Variants in POTEJ observed in about 807,000 individuals in gnomAD.
POTEJ encodes POTE ankyrin domain family, member J.
A neutral mutation model predicts 69.0 loss-of-function variants in POTEJ; 11 were observed. That is an observed-to-expected ratio of 0.16 (90% CI 0.10 to 0.26). The LOEUF is 0.26. Ranked by LOEUF, POTEJ falls within the 10% of genes least tolerant of loss-of-function variation. The pLI, the probability that POTEJ is intolerant of heterozygous loss-of-function variation, is 1.00. For missense variants in POTEJ, 327 were observed against 1,045.5 expected (o/e 0.31, Z 9.48); for synonymous variants, 117 against 381.1 (o/e 0.31, Z 8.07).
intron 13 of POTEJ, among the ~76,000 whole-genome samples, chr2:130,651,859 G>A (rs1384847869): frequency 6.9e-6 from 1 of 145,066 alleles, no homozygotes; most frequent in Admixed American, 6.8e-5. Flanking sequence ...GACTGAATAG[G>A]TTAAAAGTGA....
At chr2:130,623,950 A>G in intron 5 of POTEJ, 114 bp from the exon 6 acceptor site, 2 of 956,766 alleles carry the variant, frequency 2.1e-6, no homozygotes, top group Non-Finnish European at 3.0e-6. Context: ...GGATAATACT[A>G]TTAAGTTCTG....
intron 13 of POTEJ, among the ~76,000 whole-genome samples, chr2:130,646,650 A>G (rs1391213080): frequency 1.6e-4 from 23 of 145,292 alleles, no homozygotes; most frequent in Middle Eastern, 3.6e-3. Context: ...CCAGCCACAT[A>G]ATAAACAAAA....
At chr2:130,612,739 G>A (rs1393289562) in intron 1 of POTEJ, among the ~76,000 whole-genome samples, 5 of 137,038 alleles carry the variant, frequency 3.6e-5, no homozygotes, top group Admixed American at 7.4e-5. Context: ...CTCCAGCCTG[G>A]GAGACAGAGC....
chr2:130,628,476 C>T (rs1170513307), intron 6 of POTEJ, among the ~76,000 whole-genome samples: 1 of 91,494 alleles, frequency 1.1e-5, no homozygotes, highest in Non-Finnish European at 2.1e-5. Context: ...AACCCTAATG[C>T]CTAGCATGTA....
chr2:130,632,021 A>G (rs1307265841), intron 8 of POTEJ, among the ~76,000 whole-genome samples: 3 of 144,000 alleles, frequency 2.1e-5, no homozygotes, highest in Non-Finnish European at 4.5e-5. Context: ...TAGCGCAGAA[A>G]AGGGCAAACT....
chr2:130,652,071 C>G lies in POTEJ; in HGVS notation c.1668-2850C>G, dbSNP rs1385716356. On this transcript the variant is annotated intron_variant, in intron 13 of 14. Transcript: ENST00000409602. ...GAAAGACCAGCTGGGAGGTGATTGG[C>G]TCATGGGGTCGGTTTCCTCCATGCT... Among the ~76,000 whole-genome samples the G allele has an allele frequency of 8.7e-5, 12 of 138,040 alleles. 1 individual carries two copies. The highest frequency in any genetic ancestry group is 1.1e-4 in the Non-Finnish European group (7 of 65,364). The allele number at this position is 138,040 out of a possible 152,430, so 90.6% of individuals were successfully genotyped here.
intron 6 of POTEJ, among the ~76,000 whole-genome samples, chr2:130,625,462 T>C (rs1685671786): frequency 6.6e-6 from 1 of 151,938 alleles, no homozygotes; most frequent in Non-Finnish European, 1.5e-5. Context: ...CTTATAATTA[T>C]GATTTATTAT....
intron 6 of POTEJ, among the ~76,000 whole-genome samples, chr2:130,626,877 T>TC (rs1184872827): frequency 6.6e-6 from 1 of 152,058 alleles, no homozygotes; most frequent in African/African-American, 2.4e-5. Flanking sequence ...TAATTTTTTT[T>TC]CATGTAAGAA....
At chr2:130,625,739 T>A (rs545691580) in intron 6 of POTEJ, among the ~76,000 whole-genome samples, 12 of 142,020 alleles carry the variant, frequency 8.4e-5, no homozygotes, top group East Asian at 3.9e-4. Context: ...CTTTTGCTAG[T>A]ACCAAAAGTG....
chr2:130,639,329 T>A (rs1253045998), intron 10 of POTEJ, among the ~76,000 whole-genome samples: 1 of 152,312 alleles, frequency 6.6e-6, no homozygotes, highest in Non-Finnish European at 1.5e-5. Context: ...ACAGGTCATG[T>A]TACATATGCT....
intron 13 of POTEJ, among the ~76,000 whole-genome samples, chr2:130,650,018 G>C (rs1379879477): frequency 6.6e-6 from 1 of 152,252 alleles, no homozygotes; most frequent in African/African-American, 2.4e-5. Flanking sequence ...AAAAAAAAGA[G>C]AGATAATGAG....
At chr2:130,641,211 A>C (rs574297968) in intron 10 of POTEJ, among the ~76,000 whole-genome samples, 50 of 152,170 alleles carry the variant, frequency 3.3e-4, no homozygotes, top group African/African-American at 1.2e-3. Context: ...TTGATGGGAG[A>C]TAATCATGCA....
In POTEJ at chr2:130,657,497, A is replaced by G. The variant is rs767647766; in HGVS notation, c.2737A>G (p.Ile913Val). Residue 913 changes from isoleucine to valine, a missense_variant, in exon 15 of 15, where the codon ATC becomes GTC. Ile to Val is a conservative substitution (Grantham distance 29). Coordinates refer to ENST00000409602, the MANE Select transcript of POTEJ (RefSeq NM_001277083.2). ...YELPDGQVIT[I>V]SNEWFRCPEA... is the part of the protein sequence containing the mutation. The stretch of plus-strand genomic sequence containing the variant: ...GCTGCCCGATGGCCAGGTCATCACC[A>G]TCAGCAACGAGTGGTTCCGCTGCCC... The G allele has an allele frequency of 6.4e-7, 1 of 1,570,722 alleles. No homozygotes were observed. Among genetic ancestry groups the G allele is most frequent in the South Asian group, 1.1e-5 (1 of 90,460 alleles).
At position 130,656,414 on chromosome 2, in the gene POTEJ, C is replaced by T. The variant is rs1001798341; in HGVS notation, c.1789-135C>T. 4 of 1,206,398 alleles carry T rather than the reference C, an allele frequency of 3.3e-6. No individual in the cohort carries two copies. In the African/African-American group the frequency reaches 5.1e-5, roughly 15 times the overall value. The allele number at this position is 1,206,398 out of a possible 1,614,324, so 74.7% of individuals were successfully genotyped here. A position where few individuals can be genotyped will look rare whatever the true frequency, so the allele number is the denominator to read the frequency against. On this transcript the variant is annotated intron_variant, in intron 14 of 14. Transcript: ENST00000409602. ...ACTCTTATTAGGTTTGAAGTTTTGT[C>T]CAATTTTTTTCCAGTTAAATATCCA...
chr2:130,636,427 A>G (rs1302026327), intron 9 of POTEJ, among the ~76,000 whole-genome samples: 1 of 144,704 alleles, frequency 6.9e-6, no homozygotes, highest in Admixed American at 7.0e-5. Context: ...TGTTAACCTT[A>G]TGTCATCGTT....
intron 10 of POTEJ, among the ~76,000 whole-genome samples, chr2:130,641,985 A>G (rs1235683319): frequency 1.3e-5 from 2 of 151,986 alleles, no homozygotes; most frequent in Non-Finnish European, 2.9e-5. Context: ...ACTCTCCATG[A>G]CCTGTGTGAG....
chr2:130,614,573 C>A (rs1189825645), intron 1 of POTEJ, among the ~76,000 whole-genome samples: 1 of 148,474 alleles, frequency 6.7e-6, no homozygotes, highest in Admixed American at 6.7e-5. Context: ...TACACATATA[C>A]ACGAACAGAA....
chr2:130,649,410 G>C (rs1231676660), intron 13 of POTEJ, among the ~76,000 whole-genome samples: 6 of 152,194 alleles, frequency 3.9e-5, no homozygotes, highest in Non-Finnish European at 7.3e-5. Context: ...AGTAAATCTT[G>C]TCAGGTCTAT....
chr2:130,631,866 A>G (rs1263702417), intron 8 of POTEJ, among the ~76,000 whole-genome samples: 1 of 143,274 alleles, frequency 7.0e-6, no homozygotes, highest in Non-Finnish European at 1.5e-5. Flanking sequence ...CTGGAATTCC[A>G]TGCTTGCACG....
Sources: allele counts gnomAD v4.1 joint callset (sites outside exome capture counted in the v4.1 genomes callset), GRCh38; gene constraint gnomAD v4.1.1; transcripts MANE v1.5; gene names NCBI Gene and HGNC (gene_info 2026-07-23, HGNC 2026-07-21).